Variants in SCRG1 observed in about 807,000 individuals in gnomAD.
SCRG1 encodes the protein scrapie-responsive protein 1.
Under a neutral mutation model 7.7 loss-of-function variants are expected in SCRG1, and 3 were observed. The observed-to-expected ratio is 0.39, with a 90% CI of 0.18 to 1.01. The LOEUF (loss-of-function observed/expected upper bound fraction) is 1.01, where lower values mean the gene tolerates loss of function less well. Ranked by LOEUF, SCRG1 falls within the 50% of genes least tolerant of loss-of-function variation. The probability of loss-of-function intolerance (pLI) is 0.36; values close to 1 mark genes in which losing one functional copy is unlikely to be tolerated. For synonymous variants in SCRG1, 46 were observed against 41.2 expected, an observed-to-expected ratio of 1.12 and a Z score of -0.44; for missense variants, 110 against 117.2, an observed-to-expected ratio of 0.94 and a Z score of 0.28.
the SCRG1 span, among the ~76,000 whole-genome samples, chr4:173,494,560 G>A: frequency 6.6e-6 from 1 of 152,214 alleles, no homozygotes; most frequent in Non-Finnish European, 1.5e-5. Flanking sequence ...GAGGGTTAGC[G>A]CCACCTGGCT....
At chr4:173,485,389 CCAA>C in the SCRG1 span, among the ~76,000 whole-genome samples, 2 of 149,816 alleles carry the variant, frequency 1.3e-5, no homozygotes, top group East Asian at 4.0e-4. Flanking sequence ...CAGCTGACAG[CCAA>C]CAACAAGTAC....
chr4:173,497,946 C>T, the SCRG1 span, among the ~76,000 whole-genome samples: 11 of 152,158 alleles, frequency 7.2e-5, no homozygotes, highest in Non-Finnish European at 1.0e-4. Context: ...TCCCAAAGTG[C>T]GGGGATTACA....
chr4:173,488,134 T>TAAATAAA, the SCRG1 span, among the ~76,000 whole-genome samples: 28 of 128,840 alleles, frequency 2.2e-4, no homozygotes, highest in East Asian at 2.3e-3. Context: ...AATAAATAAA[T>TAAATAAA]TTAAAAAATG....
the SCRG1 span, among the ~76,000 whole-genome samples, chr4:173,514,294 C>T: frequency 6.6e-6 from 1 of 152,096 alleles, no homozygotes; most frequent in South Asian, 2.1e-4. Context: ...GCCATCAGTC[C>T]CAAGTGGAAA....
the SCRG1 span, among the ~76,000 whole-genome samples, chr4:173,501,127 G>T: frequency 6.6e-6 from 1 of 152,212 alleles, no homozygotes; most frequent in Non-Finnish European, 1.5e-5. The surrounding 1 kb of genome is among the most constrained non-coding windows in gnomAD (Gnocchi z 5.1). Context: ...AGGAGTGTTG[G>T]CCCTGGAGAG....
chr4:173,436,739 C>T, the SCRG1 span, among the ~76,000 whole-genome samples: 7 of 152,056 alleles, frequency 4.6e-5, no homozygotes, highest in Non-Finnish European at 8.8e-5. Context: ...TTGTAGGGTA[C>T]GTTTACCTGT....
chr4:173,405,800 C>G (rs1739887925), intron 1 of SCRG1, among the ~76,000 whole-genome samples: 1 of 152,168 alleles, frequency 6.6e-6, no homozygotes, highest in Admixed American at 6.5e-5. Flanking sequence ...TTCTTCCTTT[C>G]TGGCACTAAA....
At chr4:173,431,503 C>A in the SCRG1 span, among the ~76,000 whole-genome samples, 1 of 152,158 alleles carries the variant, frequency 6.6e-6, no homozygotes. Flanking sequence ...GTTTATAAGT[C>A]ACCTTTAGAG....
the SCRG1 span, among the ~76,000 whole-genome samples, chr4:173,470,338 G>A: frequency 5.9e-5 from 9 of 152,094 alleles, no homozygotes; most frequent in Admixed American, 4.6e-4. Flanking sequence ...TATGAGAGAT[G>A]CAAGACAATG....
At chr4:173,408,971 G>A (rs1326706480), upstream of SCRG1, among the ~76,000 whole-genome samples, 1 of 107,876 alleles carries the variant, frequency 9.3e-6, no homozygotes, top group African/African-American at 3.8e-5. Context: ...CGGCCTGGGC[G>A]AAAGAGCAAG....
chr4:173,483,941 A>G, the SCRG1 span, among the ~76,000 whole-genome samples: 3 of 75,082 alleles, frequency 4.0e-5, no homozygotes, highest in Non-Finnish European at 6.8e-5. Flanking sequence ...TATATAATAT[A>G]AATCATATAT....
chr4:173,417,139 CACAG>C, the SCRG1 span, among the ~76,000 whole-genome samples: 2,124 of 151,978 alleles, frequency 0.014, 41 homozygotes, highest in African/African-American at 0.044. Flanking sequence ...GAGAGACACA[CACAG>C]ACAGACAGAC....
chr4:173,518,919 C>T, the SCRG1 span, among the ~76,000 whole-genome samples: 2 of 151,482 alleles, frequency 1.3e-5, no homozygotes, highest in African/African-American at 2.4e-5. Flanking sequence ...GCGGTCCACC[C>T]CGGCTTCCCG....
At chr4:173,448,744 A>C in the SCRG1 span, among the ~76,000 whole-genome samples, 1 of 152,144 alleles carries the variant, frequency 6.6e-6, no homozygotes, top group South Asian at 2.1e-4. Context: ...TATGCAGCTG[A>C]TGATTTATGG....
At chr4:173,434,718 C>T in the SCRG1 span, among the ~76,000 whole-genome samples, 2 of 152,102 alleles carry the variant, frequency 1.3e-5, no homozygotes, top group Non-Finnish European at 2.9e-5. Flanking sequence ...GTAATTCCAG[C>T]TACTTGGGGG....
At chr4:173,409,162 G>A (rs1335543976), upstream of SCRG1, among the ~76,000 whole-genome samples, 2 of 152,128 alleles carry the variant, frequency 1.3e-5, no homozygotes, top group Admixed American at 6.5e-5. Flanking sequence ...TAAGCCTGGA[G>A]GTTTTAGGGC....
intron 2 of SCRG1, chr4:173,389,970 C>T (rs1739376928): frequency 3.8e-6 from 1 of 261,750 alleles, no homozygotes; most frequent in Non-Finnish European, 8.3e-6. Flanking sequence ...TCCTCAATAA[C>T]CAGGGGGAAA....
At chr4:173,440,499 G>T in the SCRG1 span, among the ~76,000 whole-genome samples, 5 of 152,190 alleles carry the variant, frequency 3.3e-5, no homozygotes, top group Admixed American at 2.0e-4. Flanking sequence ...AGTGTGTTAG[G>T]TGCTGAGGAC....
chr4:173,488,242 C>T, the SCRG1 span, among the ~76,000 whole-genome samples: 1 of 152,012 alleles, frequency 6.6e-6, no homozygotes, highest in African/African-American at 2.4e-5. Context: ...AGTGGCAAGT[C>T]CTCCCTACAG....
Sources: allele counts gnomAD v4.1 joint callset (sites outside exome capture counted in the v4.1 genomes callset), GRCh38; gene constraint gnomAD v4.1.1; non-coding constraint Gnocchi (gnomAD v3.1); transcripts MANE v1.5; gene names NCBI Gene and HGNC (gene_info 2026-07-23, HGNC 2026-07-21).